Variants in RPTOR observed in about 807,000 individuals in gnomAD.
The protein encoded by RPTOR is regulatory-associated protein of mTOR.
Under a neutral mutation model 169.9 loss-of-function variants are expected in RPTOR, and 21 were observed. That is an observed-to-expected ratio of 0.12 (90% CI 0.09 to 0.18). The LOEUF (loss-of-function observed/expected upper bound fraction) is 0.18. Ranked by LOEUF, RPTOR falls within the 10% of genes least tolerant of loss-of-function variation. RPTOR has a pLI of 1.00. For missense variants in RPTOR, 1,133 were observed against 1,855.9 expected, an observed-to-expected ratio of 0.61 and a Z score of 7.16; for synonymous variants, 732 against 753.2, an observed-to-expected ratio of 0.97 and a Z score of 0.46.
intron 20 of RPTOR, among the ~76,000 whole-genome samples, chr17:80,906,949 G>A (rs557867753): frequency 5.9e-5 from 9 of 152,312 alleles, no homozygotes; most frequent in African/African-American, 1.2e-4. Context: ...ACACTGGCCC[G>A]CCATATCTGG....
chr17:80,869,400 G>A (rs991344641), intron 13 of RPTOR, among the ~76,000 whole-genome samples: 1 of 152,134 alleles, frequency 6.6e-6, no homozygotes, highest in Non-Finnish European at 1.5e-5. Flanking sequence ...CAAGTGATCT[G>A]CGTGCCTCAG....
At chr17:80,859,456 G>C (rs549495983) in intron 13 of RPTOR, among the ~76,000 whole-genome samples, 2 of 152,364 alleles carry the variant, frequency 1.3e-5, no homozygotes, top group Admixed American at 6.5e-5. Flanking sequence ...GCCTTTAGCT[G>C]TCCGTGTGCG....
In RPTOR at chr17:80,892,886, C is replaced by A. The variant is rs746033153; in HGVS notation, c.2242+17C>A. On this transcript the variant is annotated intron_variant, in intron 19 of 33. Coordinates refer to ENST00000306801, the MANE Select transcript of RPTOR (RefSeq NM_020761.3). ...CAGAGGAATGTAAGATCCTGGAAAT[C>A]GGGTTATTGGATTGGGAGAGATTGG... 2 of 1,612,058 alleles carry A rather than the reference C, an allele frequency of 1.2e-6. No individual in the cohort carries two copies. The highest frequency in any genetic ancestry group is 3.3e-5 in the Admixed American group (2 of 59,860).
chr17:80,923,371 C>A, intron 22 of RPTOR, 119 bp from the exon 23 acceptor site: 1 of 1,084,586 alleles, frequency 9.2e-7, no homozygotes. Flanking sequence ...TGACTGAGGA[C>A]ACCCCGGGCC....
chr17:80,671,317 T>TGA (rs137892931), intron 3 of RPTOR, among the ~76,000 whole-genome samples: 7 of 151,780 alleles, frequency 4.6e-5, no homozygotes, highest in East Asian at 3.9e-4. Flanking sequence ...GGCGTGCGTG[T>TGA]GAGAGAGAGA....
chr17:80,554,875 A>G (rs1009366096), intron 1 of RPTOR, among the ~76,000 whole-genome samples: 1 of 152,270 alleles, frequency 6.6e-6, no homozygotes, highest in Non-Finnish European at 1.5e-5. Context: ...ACAAGTGACA[A>G]GATAACTGAC....
chr17:80,550,387 C>G (rs1173263119), intron 1 of RPTOR, among the ~76,000 whole-genome samples: 1 of 152,330 alleles, frequency 6.6e-6, no homozygotes, highest in Admixed American at 6.5e-5. Context: ...GACTCCTTTG[C>G]TACCTGACAC....
intron 17 of RPTOR, 122 bp downstream of exon 17, chr17:80,885,270 C>A (rs62070511): frequency 1.6e-5 from 18 of 1,127,890 alleles, no homozygotes; most frequent in Admixed American, 2.8e-5. Flanking sequence ...CGTGTCATTG[C>A]GAGAGCAGAT....
chr17:80,545,369 G>A lies in RPTOR; in HGVS notation c.-261G>A, dbSNP rs12602885. 65,737 of 352,010 alleles carry A rather than the reference G, an allele frequency of 0.19. 6,889 individuals carry two copies. Among genetic ancestry groups the A allele is most frequent in the East Asian group, 0.31 (7,078 of 22,854 alleles). The allele number at this position is 352,010 out of a possible 1,614,324, so 21.8% of individuals were successfully genotyped here. The stretch of plus-strand genomic sequence containing the variant: ...AGCCTCAGGAGCAGCCAGTGGCTTG[G>A]GACCTGGGGTGGTGTGTGTCTGCGG... On this transcript the variant is annotated 5_prime_UTR_variant, in exon 1 of 34. Coordinates refer to ENST00000306801, the MANE Select transcript of RPTOR (RefSeq NM_020761.3).
intron 7 of RPTOR, among the ~76,000 whole-genome samples, chr17:80,799,106 C>T (rs963559075): frequency 9.8e-5 from 15 of 152,358 alleles, no homozygotes; most frequent in African/African-American, 3.6e-4. Context: ...AGAGAACCTG[C>T]TTGGGCGTCC....
chr17:80,959,215 C>CT lies in RPTOR; in HGVS notation c.3478-860dup, dbSNP rs2069300067. ...GCACCAGCAGCTTTCATGGCACCTT[C>CT]TTTGGGGTGGGGGGGTCTTGCACCT... On this transcript the variant is annotated intron_variant, in intron 29 of 33. Coordinates refer to ENST00000306801, the MANE Select transcript of RPTOR (RefSeq NM_020761.3). The surrounding 1 kb of genome is among the most constrained non-coding windows in gnomAD (Gnocchi z 6.7). Among the ~76,000 whole-genome samples, 1 of 152,238 alleles carries CT rather than the reference C, an allele frequency of 6.6e-6. No homozygotes were observed. Among genetic ancestry groups the CT allele is most frequent in the Non-Finnish European group, 1.5e-5 (1 of 68,030 alleles).
intron 6 of RPTOR, among the ~76,000 whole-genome samples, chr17:80,765,759 G>A (rs1368018635): frequency 1.3e-5 from 2 of 152,102 alleles, no homozygotes; most frequent in East Asian, 3.8e-4. Context: ...TCGTTATGGA[G>A]GAAGTTGAGA....
intron 3 of RPTOR, among the ~76,000 whole-genome samples, chr17:80,657,648 C>T (rs2065690147): frequency 6.6e-6 from 1 of 152,184 alleles, no homozygotes; most frequent in Non-Finnish European, 1.5e-5. Context: ...CGAGTGGCCA[C>T]TCTACCTCCA....
intron 1 of RPTOR, among the ~76,000 whole-genome samples, chr17:80,546,685 T>C (rs375646221): frequency 6.6e-6 from 1 of 152,236 alleles, no homozygotes; most frequent in African/African-American, 2.4e-5. Context: ...TTACAATGTT[T>C]GATTTTCTCT....
intron 1 of RPTOR, among the ~76,000 whole-genome samples, chr17:80,567,648 C>T (rs748027608): frequency 2.2e-4 from 33 of 151,544 alleles, no homozygotes; most frequent in South Asian, 4.2e-4. Context: ...AAAAATTAGC[C>T]GGGCATGGTG....
intron 5 of RPTOR, among the ~76,000 whole-genome samples, chr17:80,733,793 C>T (rs1482243566): frequency 2.0e-5 from 3 of 152,230 alleles, no homozygotes; most frequent in Admixed American, 2.0e-4. Context: ...ACTCACGACG[C>T]CTTCTTGCGT....
At chr17:80,817,686 T>C (rs958386852) in intron 7 of RPTOR, among the ~76,000 whole-genome samples, 1 of 152,094 alleles carries the variant, frequency 6.6e-6, no homozygotes, top group African/African-American at 2.4e-5. Context: ...TGTGATGGGC[T>C]GTGATCCCTC....
At chr17:80,713,698 A>G (rs1217943936) in intron 4 of RPTOR, among the ~76,000 whole-genome samples, 1 of 152,196 alleles carries the variant, frequency 6.6e-6, no homozygotes, top group East Asian at 1.9e-4. Context: ...CAAGATGAGG[A>G]GTATTATTGA....
chr17:80,547,475 A>T (rs1388764267), intron 1 of RPTOR, among the ~76,000 whole-genome samples: 2 of 152,224 alleles, frequency 1.3e-5, no homozygotes, highest in East Asian at 3.8e-4. Context: ...ACATTCCCTA[A>T]TAAGCTTTTC....
Sources: gnomAD v4.1 joint callset for allele counts (sites outside exome capture counted in the v4.1 genomes callset) on GRCh38, gnomAD v4.1.1 for gene constraint, Gnocchi (gnomAD v3.1) non-coding constraint, MANE v1.5 for transcripts, NCBI Gene and HGNC (gene_info 2026-07-23, HGNC 2026-07-21) for gene names.